Variants in ADAMTSL4 observed in about 807,000 individuals in gnomAD.
ADAMTSL4 encodes ADAMTS-like protein 4.
ADAMTSL4 carries 97 observed loss-of-function variants against 122.8 expected under a neutral mutation model. That is an observed-to-expected ratio of 0.79 (90% CI 0.67 to 0.93). ADAMTSL4 has a LOEUF of 0.93. Among genes scored for constraint, ADAMTSL4 ranks in the 40% least tolerant of loss-of-function variants. The pLI is 0.00. For missense variants in ADAMTSL4, 1,408 were observed against 1,453.5 expected (o/e 0.97, Z 0.51); for synonymous variants, 592 against 568.0 (o/e 1.04, Z -0.60).
In ADAMTSL4 at chr1:150,555,589, GCA is replaced by G. The variant is rs376204205; in HGVS notation, c.1371+33_1371+34del. 3.1e-3 allele frequency: 5,016 copies of G among 1,601,718 alleles called. 154 individuals are homozygous for G. In the African/African-American group the frequency reaches 0.062, roughly 20 times the overall value. On this transcript the variant is annotated intron_variant, in intron 8 of 18. Transcript: ENST00000271643. ...TGGTGAGGGAAGACAGTGTGTGTGT[GCA>G]CACACACATGCATATGCACACAGAC...
At position 150,553,079 on chromosome 1, in the gene ADAMTSL4, G is replaced by A. The variant is rs199599791; in HGVS notation, c.260G>A (p.Arg87Gln). Residue 87 changes from arginine (R) to glutamine (Q), a missense_variant, in exon 5 of 19, where the codon CGG becomes CAG. Coordinates refer to ENST00000271643, the MANE Select transcript of ADAMTSL4 (RefSeq NM_019032.6). Reference sequence around the variant, plus strand: ...CACCCGAGTCTGCCCCTCCCTCCCCGGCCCCCAAGACATCCAGAAGCCCTC... The same window carrying A: ...CACCCGAGTCTGCCCCTCCCTCCCCAGCCCCCAAGACATCCAGAAGCCCTC... ...QLHPSLPLPP[R>Q]PPRHPEALLP... The A allele has an allele frequency of 7.2e-5, 102 of 1,411,874 alleles. No individual in the cohort carries two copies. Among genetic ancestry groups the A allele is most frequent in the Admixed American group, 6.5e-4 (37 of 57,200 alleles). The allele number at this position is 1,411,874 out of a possible 1,614,324, so 87.5% of individuals were successfully genotyped here. A position where few individuals can be genotyped will look rare whatever the true frequency, so the allele number is the denominator to read the frequency against.
rs768650448 is a variant in ADAMTSL4 at position 150,552,644 on chromosome 1, T to C, written c.78+44T>C. The C allele has an allele frequency of 3.0e-5, 47 of 1,586,952 alleles. No individual in the cohort carries two copies. Among genetic ancestry groups the C allele is most frequent in the Non-Finnish European group, 3.8e-5 (44 of 1,166,760 alleles). On this transcript the variant is annotated intron_variant, in intron 4 of 18. Coordinates refer to ENST00000271643, the MANE Select transcript of ADAMTSL4 (RefSeq NM_019032.6). The surrounding 1 kb of genome is among the most constrained non-coding windows in gnomAD (Gnocchi z 4.0). ...AGCAGCTGCAGCCTGCCTGCCACCC[T>C]TTCATCTCCCCCTAGGCTCCCACCC...
Position 150,559,001 on chromosome 1 carries a change from G to A in ADAMTSL4, c.2599G>A (p.Val867Met), listed in dbSNP as rs1358655127. 1 of 1,611,548 alleles carries A rather than the reference G, an allele frequency of 6.2e-7. No homozygotes were observed. Among genetic ancestry groups the A allele is most frequent in the South Asian group, 1.1e-5 (1 of 90,876 alleles). Residue 867 changes from valine to methionine, a missense_variant, in exon 16 of 19, where the codon GTG becomes ATG. Coordinates refer to ENST00000271643, the MANE Select transcript of ADAMTSL4 (RefSeq NM_019032.6). This position sits in a 1 kb window ranked among gnomAD's most constrained non-coding sequence, Gnocchi z 4.1. ...ECGTGIQRRS[V>M]VCLGSGAALG... ...TGGGACGGGAATCCAGCGGCGCTCT[G>A]TGGTCTGCCTTGGGAGTGGGGCAGC...
chr1:150,555,936 CTG>C (rs757525356), intron 8 of ADAMTSL4: 1 of 619,776 alleles, frequency 1.6e-6, no homozygotes, highest in Non-Finnish European at 2.9e-6. Context: ...ACTGAGATCA[CTG>C]AGGGAGAATT....
rs180670920 is a variant in ADAMTSL4 at position 150,555,349 on chromosome 1, C to T, written c.1235-80C>T. On this transcript the variant is annotated intron_variant, in intron 7 of 18. Coordinates refer to ENST00000271643, the MANE Select transcript of ADAMTSL4 (RefSeq NM_019032.6). ...TCATCCACAGTGACCTGGGCAACCTCAAGGTGCCCCCTCTGGGGCCTCTCT... is the reference window on the plus strand; with the variant it reads ...TCATCCACAGTGACCTGGGCAACCTTAAGGTGCCCCCTCTGGGGCCTCTCT... The T allele has an allele frequency of 2.0e-3, 3,215 of 1,582,038 alleles. 5 individuals are homozygous for T. Among genetic ancestry groups the T allele is most frequent in the Middle Eastern group, 5.5e-3 (28 of 5,076 alleles).
chr1:150,553,715 C>G lies in ADAMTSL4; in HGVS notation c.724C>G (p.Pro242Ala). Residue 242 changes from proline to alanine, a missense_variant, in exon 6 of 19, where the codon CCC becomes GCC. Physicochemically the swap from Pro to Ala is conservative, Grantham distance 27. Transcript: ENST00000271643. The part of the protein sequence containing the change: ...SPETAQTEVA[P>A]RTRPAPLRHH... ...TGAAACTGCTCAGACAGAGGTGGCC[C>G]CCAGAACCAGGCCTGCCCCCCTACG... 6.2e-7 allele frequency: 1 copy of G among 1,613,376 alleles called. No homozygotes were observed. Among genetic ancestry groups the G allele is most frequent in the East Asian group, 2.2e-5 (1 of 44,812 alleles).
In ADAMTSL4 at chr1:150,553,096, G is replaced by A. The variant is rs975518971; in HGVS notation, c.277G>A (p.Glu93Lys). ...PLPPRPPRHP[E>K]ALLPRGQGPR... ...CCCTCCCCGGCCCCCAAGACATCCAGAAGCCCTCCTCCCCCGGGGCCAGGG... is the reference window on the plus strand; with the variant it reads ...CCCTCCCCGGCCCCCAAGACATCCAAAAGCCCTCCTCCCCCGGGGCCAGGG... Residue 93 changes from glutamate to lysine, a missense_variant, in exon 5 of 19, where the codon GAA becomes AAA. By Grantham distance (56) the Glu-to-Lys change is moderately conservative. Coordinates refer to ENST00000271643, the MANE Select transcript of ADAMTSL4 (RefSeq NM_019032.6). 1 of 1,613,096 alleles carries A rather than the reference G, an allele frequency of 6.2e-7. No individual in the cohort carries two copies. Among genetic ancestry groups the A allele is most frequent in the Non-Finnish European group, 8.5e-7 (1 of 1,179,716 alleles).
At position 150,556,511 on chromosome 1, in the gene ADAMTSL4, TG is replaced by T. The variant is rs1006042236; in HGVS notation, c.1577-104del. The T allele has an allele frequency of 3.8e-6, 6 of 1,571,160 alleles. No homozygotes were observed. Among genetic ancestry groups the T allele is most frequent in the Admixed American group, 3.4e-5 (2 of 59,558 alleles). On this transcript the variant is annotated intron_variant, in intron 9 of 18. Coordinates refer to ENST00000271643, the MANE Select transcript of ADAMTSL4 (RefSeq NM_019032.6). The surrounding 1 kb of genome is among the most constrained non-coding windows in gnomAD (Gnocchi z 4.1). ...AAGGAGTGAGGAAGCTGAGAGGGCT[TG>T]GGGGGATCTTAGGTTCTGGTGGGAG...
chr1:150,553,275 G>C, intron 5 of ADAMTSL4, 22 bp downstream of exon 5: 1 of 1,610,866 alleles, frequency 6.2e-7, no homozygotes, highest in Non-Finnish European at 8.5e-7. Context: ...GGGTGGAAGA[G>C]GTGGGCCTTG....
At chr1:150,555,153 C>A (rs111428433) in intron 7 of ADAMTSL4, among the ~76,000 whole-genome samples, 1 of 152,138 alleles carries the variant, frequency 6.6e-6, no homozygotes, top group East Asian at 1.9e-4. Flanking sequence ...CCACGCCTGG[C>A]TAATTTTTGT....
Position 150,559,369 on chromosome 1 carries a change from C to T in ADAMTSL4, c.2846C>T (p.Ser949Phe). ...CTGGGGACGGAGTTCAACGTGACTT[C>T]TCCGAGCAACTGTTCTCACCTCCCC... ...SKLGTEFNVT[S>F]PSNCSHLPRP... Residue 949 changes from serine (S) to phenylalanine (F), a missense_variant, in exon 17 of 19, where the codon TCT becomes TTT. By Grantham distance (155) the Ser-to-Phe change is radical. Transcript: ENST00000271643. The surrounding 1 kb of genome is among the most constrained non-coding windows in gnomAD (Gnocchi z 4.1). 1.2e-6 allele frequency: 2 copies of T among 1,613,934 alleles called. No homozygotes were observed. Among genetic ancestry groups the T allele is most frequent in the South Asian group, 1.1e-5 (1 of 91,090 alleles).
intron 13 of ADAMTSL4, 136 bp downstream of exon 13, chr1:150,557,759 C>A: frequency 1.5e-6 from 2 of 1,338,530 alleles, no homozygotes; most frequent in Non-Finnish European, 2.0e-6. Flanking sequence ...GAAAGGCAGA[C>A]ATTCGGTAGG....
Position 150,552,282 on chromosome 1 carries a change from G to C in ADAMTSL4, c.-7G>C. 6.4e-7 allele frequency: 1 copy of C among 1,554,122 alleles called. No individual in the cohort carries two copies. Among genetic ancestry groups the C allele is most frequent in the Non-Finnish European group, 8.7e-7 (1 of 1,148,018 alleles). On this transcript the variant is annotated 5_prime_UTR_variant, in exon 3 of 19. Transcript: ENST00000271643. This position sits in a 1 kb window ranked among gnomAD's most constrained non-coding sequence, Gnocchi z 4.0. ...CTGCCTCCCCCTGGGGCAGTAGAGG[G>C]GGAGCGATGGAGAACTGGACTGGCA... is the stretch of plus-strand genomic sequence containing the variant.
chr1:150,550,924 C>T, intron 2 of ADAMTSL4: 1 of 456,406 alleles, frequency 2.2e-6, no homozygotes, highest in South Asian at 1.5e-5. Context: ...CCAGAGCTGG[C>T]CCACCTCAGC....
At chr1:150,557,807 C>G in intron 13 of ADAMTSL4, 138 bp from the exon 14 acceptor site, 1 of 1,342,836 alleles carries the variant, frequency 7.4e-7, no homozygotes, top group South Asian at 1.3e-5. Context: ...CCCCCAGGAA[C>G]CCAGACTCCA....
rs2101599668 is a variant in ADAMTSL4 at position 150,554,968 on chromosome 1, T to G, written c.1235-461T>G. On this transcript the variant is annotated intron_variant, in intron 7 of 18. Transcript: ENST00000271643. The surrounding 1 kb of genome is among the most constrained non-coding windows in gnomAD (Gnocchi z 4.0). ...TTCAGAGTCCCCTTGATGGTCTCGGTGACCTCAACTGACCTGACCACCTTT... is the reference window on the plus strand; with the variant it reads ...TTCAGAGTCCCCTTGATGGTCTCGGGGACCTCAACTGACCTGACCACCTTT... Among the ~76,000 whole-genome samples the G allele has an allele frequency of 6.6e-6, 1 of 150,522 alleles. No individual in the cohort carries two copies. Among genetic ancestry groups the G allele is most frequent in the East Asian group, 1.9e-4 (1 of 5,140 alleles).
At position 150,554,386 on chromosome 1, in the gene ADAMTSL4, G is replaced by C. The variant is rs1485694391; in HGVS notation, c.1153G>C (p.Asp385His). 6.2e-7 allele frequency: 1 copy of C among 1,613,420 alleles called. No homozygotes were observed. The highest frequency in any genetic ancestry group is 1.3e-5 in the African/African-American group (1 of 74,868). The change falls in exon 7 of 19, where the codon GAC becomes CAC. Residue 385 changes from aspartate (D) to histidine (H), a missense_variant. Physicochemically the swap from Asp to His is moderately conservative, Grantham distance 81 (BLOSUM62 -1). Coordinates refer to ENST00000271643, the MANE Select transcript of ADAMTSL4 (RefSeq NM_019032.6). This position sits in a 1 kb window ranked among gnomAD's most constrained non-coding sequence, Gnocchi z 4.0. ...GCAGCCCTGCCCCCCTGAGCAGCCA[G>C]ACCCCCGGGCCCTGCAGTGCGCAGC... Reference protein sequence around the residue: ...SQAPCPPEQPDPRALQCAAFN... With the variant: ...SQAPCPPEQPHPRALQCAAFN...
rs1340632867 is a variant in ADAMTSL4, at chr1:150,558,080, G to A, written c.2313G>A (p.Arg771=). 1.5e-5 allele frequency: 24 copies of A among 1,613,106 alleles called. No individual in the cohort carries two copies. The East Asian group carries it at 5.1e-4, about 34-fold the overall frequency. Residue 771 remains arginine, a synonymous_variant, in exon 14 of 19, where the codon CGG becomes CGA. Coordinates refer to ENST00000271643, the MANE Select transcript of ADAMTSL4 (RefSeq NM_019032.6). ...VPPERCGHLP[R]PNITQSCQLR... ...CGGAGCGCTGTGGACATCTCCCCCGGCCCAACATCACCCAGTCTTGCCAGC... is the reference window on the plus strand; with the variant it reads ...CGGAGCGCTGTGGACATCTCCCCCGACCCAACATCACCCAGTCTTGCCAGC...
At chr1:150,555,591 A>G (rs1308070872) in intron 8 of ADAMTSL4, 26 bp downstream of exon 8, 6 of 1,587,740 alleles carry the variant, frequency 3.8e-6, no homozygotes, top group East Asian at 2.3e-5. Context: ...GTGTGTGTGC[A>G]CACACACATG....
Sources: allele counts gnomAD v4.1 joint callset (sites outside exome capture counted in the v4.1 genomes callset), GRCh38; gene constraint gnomAD v4.1.1; non-coding constraint Gnocchi (gnomAD v3.1); transcripts MANE v1.5; gene names NCBI Gene and HGNC (gene_info 2026-07-23, HGNC 2026-07-21).